The following EXD1 variants were observed in gnomAD, a reference collection of about 807,000 sequenced individuals.
The protein encoded by EXD1 is exonuclease 3'-5' domain containing 1, also known as piRNA biogenesis protein EXD1.
A neutral mutation model predicts 49.1 loss-of-function variants in EXD1; 63 were observed. That is an observed-to-expected ratio of 1.28 (90% CI 1.05 to 1.58). EXD1 has a LOEUF of 1.58. EXD1 is among the 40% of genes most tolerant of loss of function. The pLI is 0.00. For missense variants in EXD1, 748 were observed against 666.0 expected (o/e 1.12, Z -1.36); for synonymous variants, 234 against 239.2 (o/e 0.98, Z 0.20).
At chr15:41,229,832 A>AG (rs2140914094) in intron 1 of EXD1, among the ~76,000 whole-genome samples, 1 of 152,306 alleles carries the variant, frequency 6.6e-6, no homozygotes, top group Admixed American at 6.5e-5. Flanking sequence ...CTCAGCTTGC[A>AG]GGGAACGTGT....
chr15:41,208,428 C>G (rs1225519540), intron 7 of EXD1, among the ~76,000 whole-genome samples: 3 of 149,894 alleles, frequency 2.0e-5, no homozygotes, highest in Admixed American at 6.7e-5. Flanking sequence ...TATCCATCCT[C>G]TAGCTATTCT....
intron 11 of EXD1, among the ~76,000 whole-genome samples, chr15:41,185,642 C>T (rs984009754): frequency 2.0e-5 from 3 of 151,992 alleles, no homozygotes; most frequent in African/African-American, 7.2e-5. Flanking sequence ...GCCTCCCCCA[C>T]TCAGAGGAGC....
At chr15:41,212,033 A>T (rs1595449781) in intron 6 of EXD1, among the ~76,000 whole-genome samples, 1 of 110,362 alleles carries the variant, frequency 9.1e-6, no homozygotes, top group Non-Finnish European at 1.7e-5. Context: ...TAGTAAGCTC[A>T]TGGAAACATT....
At position 41,195,820 on chromosome 15, in the gene EXD1, G is replaced by A. The variant is rs1223511889; in HGVS notation, c.675C>T (p.Leu225=). 24 of 1,613,596 alleles carry A rather than the reference G, an allele frequency of 1.5e-5. No individual in the cohort carries two copies. Among genetic ancestry groups the A allele is most frequent in the Non-Finnish European group, 2.0e-5 (24 of 1,179,938 alleles). The part of the protein sequence containing the change: ...IHDCRWLSDC[L]SHQYGILLNN... ...TCAGCAAAATTCCATACTGATGAGA[G>A]AGGCAATCAGAAAGCCAACGACAAT... The change falls in exon 9 of 12, where the codon CTC becomes CTT. Residue 225 remains leucine, a synonymous_variant. Coordinates refer to ENST00000458580, the MANE Select transcript of EXD1 (RefSeq NM_001286441.2).
At chr15:41,195,726 T>C (rs1360366239) in intron 9 of EXD1, 49 bp downstream of exon 9, 2 of 1,459,366 alleles carry the variant, frequency 1.4e-6, no homozygotes, top group East Asian at 4.7e-5. Flanking sequence ...CCCTTTTATC[T>C]ACAGGAGCTG....
At position 41,190,032 on chromosome 15, in the gene EXD1, G is replaced by C. The variant is rs1370669901; in HGVS notation, c.961C>G (p.Leu321Val). ...AGGTCAGACATCATCTCATCTAGGAGTGCCAAGCGAAGGGGTAACAGGTAG... is the reference window on the plus strand; with the variant it reads ...AGGTCAGACATCATCTCATCTAGGACTGCCAAGCGAAGGGGTAACAGGTAG... ...ATYLLPLRLA[L>V]LDEMMSDLTT... Residue 321 changes from leucine (L) to valine (V), a missense_variant, in exon 11 of 12, where the codon CTC becomes GTC. Coordinates refer to ENST00000458580, the MANE Select transcript of EXD1 (RefSeq NM_001286441.2). The C allele has an allele frequency of 1.2e-6, 2 of 1,614,036 alleles. No individual in the cohort carries two copies. Among genetic ancestry groups the C allele is most frequent in the African/African-American group, 2.7e-5 (2 of 74,934 alleles).
chr15:41,199,732 T>TATATTATATATC (rs1566980624), intron 7 of EXD1, among the ~76,000 whole-genome samples: 1,272 of 78,696 alleles, frequency 0.016, 90 homozygotes, highest in African/African-American at 0.069. Context: ...TTATATATGA[T>TATATTATATATC]ATATATGTCA....
intron 11 of EXD1, among the ~76,000 whole-genome samples, chr15:41,188,672 A>G (rs985941136): frequency 6.6e-6 from 1 of 151,930 alleles, no homozygotes; most frequent in East Asian, 2.0e-4. Context: ...GATTACAGGT[A>G]TGAGCCACCG....
intron 11 of EXD1, among the ~76,000 whole-genome samples, chr15:41,186,039 T>C (rs1311715957): frequency 1.3e-5 from 2 of 152,314 alleles, no homozygotes; most frequent in Admixed American, 1.3e-4. Flanking sequence ...GCTAATAGCT[T>C]CAAAAATACT....
At chr15:41,210,014 CAA>C (rs2046897003) in intron 6 of EXD1, among the ~76,000 whole-genome samples, 1 of 152,158 alleles carries the variant, frequency 6.6e-6, no homozygotes, top group Non-Finnish European at 1.5e-5. Context: ...TCAAGAGAAT[CAA>C]GTGATTCTCT....
At chr15:41,194,351 T>C (rs2046578322) in intron 9 of EXD1, among the ~76,000 whole-genome samples, 1 of 152,038 alleles carries the variant, frequency 6.6e-6, no homozygotes, top group African/African-American at 2.4e-5. Context: ...ACGGAGATTT[T>C]ACTACAGTCA....
At chr15:41,199,094 G>C (rs770202078) in intron 7 of EXD1, among the ~76,000 whole-genome samples, 38 of 152,074 alleles carry the variant, frequency 2.5e-4, no homozygotes, top group Non-Finnish European at 4.6e-4. Context: ...CAAGTAGCTG[G>C]GATTACAGGT....
At chr15:41,204,140 C>A (rs1373710533) in intron 7 of EXD1, among the ~76,000 whole-genome samples, 2 of 142,132 alleles carry the variant, frequency 1.4e-5, no homozygotes, top group East Asian at 4.2e-4. Flanking sequence ...CCCAGCTACT[C>A]GGGAGGCTGA....
Position 41,183,739 on chromosome 15 carries a change from T to G in EXD1, c.*192A>C. On this transcript the variant is annotated 3_prime_UTR_variant, in exon 12 of 12. Transcript: ENST00000458580. ...CAGTGACATAATCAGAAATTATACT[T>G]CTTCCATTATTTAACTTATTCATTC... is the stretch of plus-strand genomic sequence containing the variant. The G allele has an allele frequency of 2.0e-6, 1 of 512,754 alleles. No homozygotes were observed. Among genetic ancestry groups the G allele is most frequent in the Non-Finnish European group, 3.4e-6 (1 of 297,552 alleles). The allele number at this position is 512,754 out of a possible 1,614,324, so 31.8% of individuals were successfully genotyped here. A position where few individuals can be genotyped will look rare whatever the true frequency, so the allele number is the denominator to read the frequency against.
chr15:41,217,684 C>T (rs2412607), intron 3 of EXD1, among the ~76,000 whole-genome samples: 24,503 of 152,002 alleles, frequency 0.16, 3,640 homozygotes, highest in African/African-American at 0.39. Flanking sequence ...TACAGGCATG[C>T]GCCACCACAC....
At chr15:41,208,369 G>GAAAA (rs10586810) in intron 7 of EXD1, among the ~76,000 whole-genome samples, 3 of 62,680 alleles carry the variant, frequency 4.8e-5, no homozygotes, top group Non-Finnish European at 6.7e-5. Flanking sequence ...ACTCATCTCT[G>GAAAA]AAAAAAAAAA....
intron 7 of EXD1, among the ~76,000 whole-genome samples, chr15:41,198,865 C>T (rs2046660031): frequency 6.6e-6 from 1 of 151,522 alleles, no homozygotes; most frequent in African/African-American, 2.4e-5. Context: ...GCCACCACGC[C>T]CGGGTAATTT....
rs1201334060 is a variant in EXD1 at position 41,192,611 on chromosome 15, TTTTTTTTTTTTTTTTTTTTTTG to T, written c.721-1048_721-1027del. ...CGCCAGGCATTTTTTTTTTTTTTTT[TTTTTTTTTTTTTTTTTTTTTTG>T]AGATAGGGTCTTGCTCTATCTCCCA... On this transcript the variant is annotated intron_variant, in intron 9 of 11. Transcript: ENST00000458580. Among the ~76,000 whole-genome samples the T allele has an allele frequency of 2.4e-4, 24 of 99,090 alleles. No homozygotes were observed. In the East Asian group the frequency reaches 3.2e-3, roughly 13 times the overall value. 65.0% of individuals were successfully genotyped at this position (99,090 alleles called of 152,430 possible). A position where few individuals can be genotyped will look rare whatever the true frequency, so the allele number is the denominator to read the frequency against.
intron 7 of EXD1, among the ~76,000 whole-genome samples, chr15:41,208,696 G>A (rs1441936887): frequency 3.9e-5 from 6 of 151,956 alleles, no homozygotes; most frequent in South Asian, 4.1e-4. Context: ...AGGTTGCAGC[G>A]AGCCGAGATG....
Sources: allele counts gnomAD v4.1 joint callset (sites outside exome capture counted in the v4.1 genomes callset), GRCh38; gene constraint gnomAD v4.1.1; transcripts MANE v1.5; gene names NCBI Gene and HGNC (gene_info 2026-07-23, HGNC 2026-07-21).